Variants in CASZ1 observed in about 807,000 individuals in gnomAD.
The protein encoded by CASZ1 is castor zinc finger 1.
Under a neutral mutation model 135.2 loss-of-function variants are expected in CASZ1, and 28 were observed. The observed-to-expected ratio is 0.21, with a 90% CI of 0.15 to 0.28. CASZ1 has a LOEUF of 0.28. CASZ1 is among the 10% of genes least tolerant of loss of function. CASZ1 has a pLI of 1.00. For synonymous variants in CASZ1, 1,068 were observed against 1,073.4 expected, an observed-to-expected ratio of 0.99 and a Z score of 0.10; for missense variants, 2,161 against 2,453.3, an observed-to-expected ratio of 0.88 and a Z score of 2.52.
Position 10,660,374 on chromosome 1 carries a change from A to G in CASZ1, c.668T>C (p.Leu223Pro). The G allele has an allele frequency of 1.9e-6, 3 of 1,614,180 alleles. No individual in the cohort carries two copies. Among genetic ancestry groups the G allele is most frequent in the Non-Finnish European group, 2.5e-6 (3 of 1,180,028 alleles). The change falls in exon 6 of 21, where the codon CTG becomes CCG. Residue 223 changes from leucine to proline, a missense_variant. Leu to Pro is a moderately conservative substitution (Grantham distance 98). Transcript: ENST00000377022. ...GCTGAGGGTATCCTCGGAGGTGGGC[A>G]GCATGGAGGAGGTGGCTGCCTCCGG... ...STPEAATSSM[L>P]PTSEDTLSKR...
At position 10,638,987 on chromosome 1, in the gene CASZ1, G is replaced by GGCCGCCAGC. The variant is rs1642091514; in HGVS notation, c.5226_5234dup (p.Ala1744_Leu1746dup). Reference sequence around the variant, plus strand: ...TGGGCGCGGGGCCGGGGGCGCCCAGGGCCGCCAGCGCCGCCAAGGCCGGGG... The same window carrying GGCCGCCAGC: ...TGGGCGCGGGGCCGGGGGCGCCCAGGGCCGCCAGCGCCGCCAGCGCCGCCAAGGCCGGGG... On this transcript the variant is annotated inframe_insertion, in exon 21 of 21. Coordinates refer to ENST00000377022, the MANE Select transcript of CASZ1 (RefSeq NM_001079843.3). This position sits in a 1 kb window ranked among gnomAD's most constrained non-coding sequence, Gnocchi z 5.9. The GGCCGCCAGC allele has an allele frequency of 3.1e-6, 3 of 982,140 alleles. No homozygotes were observed. The highest frequency in any genetic ancestry group is 3.6e-6 in the Non-Finnish European group (3 of 829,262). The allele number at this position is 982,140 out of a possible 1,614,324, so 60.8% of individuals were successfully genotyped here. A position where few individuals can be genotyped will look rare whatever the true frequency, so the allele number is the denominator to read the frequency against.
At position 10,666,168 on chromosome 1, in the gene CASZ1, G is replaced by A. The variant is rs974074434; in HGVS notation, c.17-597C>T. On this transcript the variant is annotated intron_variant, in intron 4 of 20. Transcript: ENST00000377022. The surrounding 1 kb of genome is among the most constrained non-coding windows in gnomAD (Gnocchi z 5.2). ...CCACCCGAGCACGTCAGCCCCTGGC[G>A]GCTCCTCTGCCAGGCCAGGTCCCTG... is the stretch of plus-strand genomic sequence containing the variant. 2.6e-5 allele frequency among the ~76,000 whole-genome samples: 4 copies of A among 152,076 alleles called. No individual in the cohort carries two copies. The highest frequency in any genetic ancestry group is 7.2e-5 in the African/African-American group (3 of 41,412).
chr1:10,718,226 C>T (rs1374301367), intron 2 of CASZ1, among the ~76,000 whole-genome samples: 1 of 152,216 alleles, frequency 6.6e-6, no homozygotes, highest in African/African-American at 2.4e-5. Context: ...GCCCTGTTGC[C>T]GTCCACTCCC....
At position 10,725,717 on chromosome 1, in the gene CASZ1, CTTT is replaced by C. The variant is rs77796677; in HGVS notation, c.-76-20176_-76-20174del. On this transcript the variant is annotated intron_variant, in intron 2 of 20. Coordinates refer to ENST00000377022, the MANE Select transcript of CASZ1 (RefSeq NM_001079843.3). This position sits in a 1 kb window ranked among gnomAD's most constrained non-coding sequence, Gnocchi z 4.4. ...GGTGGAAGCCAGGTTCTGGAAAGCC[CTTT>C]TTTTTTTTTTACTAGGAGACCCCAG... Among the ~76,000 whole-genome samples the C allele has an allele frequency of 6.9e-6, 1 of 144,046 alleles. No homozygotes were observed. The allele number at this position is 144,046 out of a possible 152,430, so 94.5% of individuals were successfully genotyped here.
chr1:10,694,858 G>A lies in CASZ1; in HGVS notation c.-23-946C>T, dbSNP rs1056192774. On this transcript the variant is annotated intron_variant, in intron 3 of 20. Coordinates refer to ENST00000377022, the MANE Select transcript of CASZ1 (RefSeq NM_001079843.3). The surrounding 1 kb of genome is among the most constrained non-coding windows in gnomAD (Gnocchi z 6.6). ...GCGGGGAACGCGGCCCGAGTAAGGC[G>A]CCCGCGGGCACGCGCCCACTCTTGC... 6.8e-4 allele frequency among the ~76,000 whole-genome samples: 98 copies of A among 144,412 alleles called. No homozygotes were observed. Among genetic ancestry groups the A allele is most frequent in the East Asian group, 1.8e-3 (9 of 4,888 alleles). 94.7% of individuals were successfully genotyped at this position (144,412 alleles called of 152,430 possible). A position where few individuals can be genotyped will look rare whatever the true frequency, so the allele number is the denominator to read the frequency against.
At position 10,654,235 on chromosome 1, in the gene CASZ1, G is replaced by C; in HGVS notation, c.1839-17C>G. The C allele has an allele frequency of 6.2e-7, 1 of 1,612,392 alleles. No homozygotes were observed. The highest frequency in any genetic ancestry group is 8.5e-7 in the Non-Finnish European group (1 of 1,179,086). On this transcript the variant is annotated splice_polypyrimidine_tract_variant and intron_variant, in intron 10 of 20. Transcript: ENST00000377022. ...CCGGGGCGCCTGGATGGGACATTGGGAGCCTGTCATGAGACCCAGAGGAGG... is the reference window on the plus strand; with the variant it reads ...CCGGGGCGCCTGGATGGGACATTGGCAGCCTGTCATGAGACCCAGAGGAGG...
chr1:10,687,746 ACTGGGCAGCAGACTGAC>A (rs1408042476), intron 4 of CASZ1, among the ~76,000 whole-genome samples: 4 of 152,182 alleles, frequency 2.6e-5, no homozygotes, highest in African/African-American at 9.6e-5. Flanking sequence ...TCCTGTCCCC[ACTGGGCAGCAGACTGAC>A]GTCCCAGTCC....
rs1259098595 is a variant in CASZ1, at chr1:10,735,556, G to A, written c.-77+25145C>T. On this transcript the variant is annotated intron_variant, in intron 2 of 20. Transcript: ENST00000377022. This position sits in a 1 kb window ranked among gnomAD's most constrained non-coding sequence, Gnocchi z 5.1. ...GCCTGGGGGAGGGGGTGTGCTGCAG[G>A]AAGGAGGGATGGCTGGTGCCTCTTA... 6.6e-6 allele frequency among the ~76,000 whole-genome samples: 1 copy of A among 152,158 alleles called. No individual in the cohort carries two copies. Among genetic ancestry groups the A allele is most frequent in the South Asian group, 2.1e-4 (1 of 4,834 alleles).
Position 10,651,020 on chromosome 1 carries a change from G to A in CASZ1, c.2737C>T (p.Pro913Ser). 1.3e-6 allele frequency: 2 copies of A among 1,563,832 alleles called. No homozygotes were observed. Among genetic ancestry groups the A allele is most frequent in the East Asian group, 2.3e-5 (1 of 44,020 alleles). ...CCTGGGGCGCCGGTGCTCTCACCGG[G>A]TTCCGGCTTCACTTGGGCCGGGGGG... is the stretch of plus-strand genomic sequence containing the variant. ...RFPPAQVKPEPGESTGAPGPH... is the reference protein window; with the variant it reads ...RFPPAQVKPESGESTGAPGPH... The change falls in exon 12 of 21, where the codon CCC becomes TCC. Residue 913 changes from proline (P) to serine (S), a missense_variant. Physicochemically the swap from Pro to Ser is moderately conservative, Grantham distance 74. Around this residue, in one of 7 missense-constraint regions of CASZ1, gnomAD observed 406 missense variants for 387.6 expected, o/e 1.05. Transcript: ENST00000377022.
At chr1:10,792,342 G>GCCCCCCCCCCCC (rs1640976200) in intron 1 of CASZ1, among the ~76,000 whole-genome samples, 2 of 2,018 alleles carry the variant, frequency 9.9e-4, no homozygotes, top group Non-Finnish European at 2.6e-3. Context: ...CCCCCCCCCG[G>GCCCCCCCCCCCC]CCCCGCACAC....
intron 4 of CASZ1, among the ~76,000 whole-genome samples, chr1:10,691,299 T>C (rs1168254901): frequency 6.6e-6 from 1 of 152,182 alleles, no homozygotes; most frequent in Non-Finnish European, 1.5e-5. Flanking sequence ...GCTAAAGACG[T>C]CCAGATTGAT....
intron 4 of CASZ1, among the ~76,000 whole-genome samples, chr1:10,675,651 C>A (rs1210191165): frequency 6.6e-6 from 1 of 152,132 alleles, no homozygotes; most frequent in East Asian, 1.9e-4. Flanking sequence ...GGGCTGGACC[C>A]CAGCCACTCT....
At position 10,726,801 on chromosome 1, in the gene CASZ1, A is replaced by G. The variant is rs1382778156; in HGVS notation, c.-76-21257T>C. Among the ~76,000 whole-genome samples the G allele has an allele frequency of 6.6e-6, 1 of 152,038 alleles. No homozygotes were observed. The highest frequency in any genetic ancestry group is 1.9e-4 in the East Asian group (1 of 5,188). ...CAGCAATCACCCAGGCCCTGAAGAG[A>G]GGCCAGGGAGAGGCTAGCATGGGGG... On this transcript the variant is annotated intron_variant, in intron 2 of 20. Coordinates refer to ENST00000377022, the MANE Select transcript of CASZ1 (RefSeq NM_001079843.3). This position sits in a 1 kb window ranked among gnomAD's most constrained non-coding sequence, Gnocchi z 5.7.
intron 1 of CASZ1, among the ~76,000 whole-genome samples, chr1:10,761,333 C>T (rs1640370367): frequency 6.6e-6 from 1 of 152,246 alleles, no homozygotes; most frequent in Non-Finnish European, 1.5e-5. Context: ...CAGCTGCTCC[C>T]CTGACCCCTG....
At chr1:10,766,070 G>C (rs573847287) in intron 1 of CASZ1, among the ~76,000 whole-genome samples, 1 of 152,328 alleles carries the variant, frequency 6.6e-6, no homozygotes, top group Non-Finnish European at 1.5e-5. Context: ...GATGTGTGGG[G>C]GTTGGGGAGA....
intron 4 of CASZ1, among the ~76,000 whole-genome samples, chr1:10,675,150 C>A (rs1439499061): frequency 2.6e-5 from 4 of 152,242 alleles, no homozygotes; most frequent in Non-Finnish European, 4.4e-5. Context: ...GGCAGGTCCC[C>A]CCTCCTGACG....
rs369025528 is a variant in CASZ1, at chr1:10,762,143, A to G, written c.-233-1286T>C. 2.0e-5 allele frequency among the ~76,000 whole-genome samples: 3 copies of G among 150,346 alleles called. No individual in the cohort carries two copies. Among genetic ancestry groups the G allele is most frequent in the Non-Finnish European group, 4.4e-5 (3 of 67,568 alleles). On this transcript the variant is annotated intron_variant, in intron 1 of 20. Coordinates refer to ENST00000377022, the MANE Select transcript of CASZ1 (RefSeq NM_001079843.3). The surrounding 1 kb of genome is among the most constrained non-coding windows in gnomAD (Gnocchi z 4.1). ...AAGGTTGGACCTGAGTGCGAGGGGG[A>G]GTTGGCTCTTTGAAGGTGAGAGCTT... is the stretch of plus-strand genomic sequence containing the variant.
chr1:10,724,583 G>A lies in CASZ1; in HGVS notation c.-76-19039C>T, dbSNP rs948381839. Among the ~76,000 whole-genome samples, 17 of 152,304 alleles carry A rather than the reference G, an allele frequency of 1.1e-4. No individual in the cohort carries two copies. The highest frequency in any genetic ancestry group is 8.5e-4 in the Admixed American group (13 of 15,300). On this transcript the variant is annotated intron_variant, in intron 2 of 20. Transcript: ENST00000377022. This position sits in a 1 kb window ranked among gnomAD's most constrained non-coding sequence, Gnocchi z 4.1. The stretch of plus-strand genomic sequence containing the variant: ...AGCCCAGGAATCACCTAGCCCTCAG[G>A]GGTAGGGGCTCAGGGAGTGGGAGCA...
chr1:10,667,482 G>A (rs115000947), intron 4 of CASZ1, among the ~76,000 whole-genome samples: 3,724 of 152,272 alleles, frequency 0.024, 90 homozygotes, highest in Non-Finnish European at 0.035. Context: ...CCCCAAGCAC[G>A]ATGCGGGGCC....
Sources: allele counts gnomAD v4.1 joint callset (sites outside exome capture counted in the v4.1 genomes callset), GRCh38; gene constraint gnomAD v4.1.1; regional missense constraint gnomAD v4.1.1; non-coding constraint Gnocchi (gnomAD v3.1); transcripts MANE v1.5; gene names NCBI Gene and HGNC (gene_info 2026-07-23, HGNC 2026-07-21).